The following CAPZB variants were observed in gnomAD, a reference collection of about 807,000 sequenced individuals.
CAPZB encodes the protein F-actin-capping protein subunit beta.
In CAPZB, 2 loss-of-function variants were observed where a neutral mutation model predicts 38.1. The ratio of observed to expected loss-of-function variants is 0.05; its 90% CI spans 0.02 to 0.17. CAPZB has a LOEUF of 0.17. Ranked by LOEUF, CAPZB falls within the 10% of genes least tolerant of loss-of-function variation. The pLI is 1.00. For missense variants in CAPZB, 161 were observed against 334.2 expected (o/e 0.48, Z 4.04); for synonymous variants, 107 against 127.4 (o/e 0.84, Z 1.08).
At chr1:19,417,281 A>G (rs2094384286) in intron 2 of CAPZB, among the ~76,000 whole-genome samples, 1 of 152,194 alleles carries the variant, frequency 6.6e-6, no homozygotes, top group African/African-American at 2.4e-5. Context: ...AATGAGAAAA[A>G]TTTGCTCATC....
At chr1:19,342,025 A>C (rs1021181394) in intron 8 of CAPZB, among the ~76,000 whole-genome samples, 1 of 152,204 alleles carries the variant, frequency 6.6e-6, no homozygotes, top group Non-Finnish European at 1.5e-5. Flanking sequence ...CCTTCCCTAC[A>C]TCTGGATCTG....
chr1:19,339,120 C>T lies in CAPZB; in HGVS notation c.*410G>A, dbSNP rs1257299461. ...ACACGGAATAAGATTTCCAGTTTTT[C>T]TTCTCTCTTTCACACACCACAGTTA... On this transcript the variant is annotated 3_prime_UTR_variant, in exon 9 of 9. Coordinates refer to ENST00000264202, the MANE Select transcript of CAPZB (RefSeq NM_004930.5). The T allele has an allele frequency of 5.9e-5, 9 of 152,298 alleles. No individual in the cohort carries two copies. Among genetic ancestry groups the T allele is most frequent in the Admixed American group, 2.8e-4 (4 of 14,216 alleles). The allele number at this position is 152,298 out of a possible 1,614,324, so 9.4% of individuals were successfully genotyped here.
intron 2 of CAPZB, among the ~76,000 whole-genome samples, chr1:19,405,405 A>C (rs1425102163): frequency 6.6e-6 from 1 of 152,056 alleles, no homozygotes; most frequent in Non-Finnish European, 1.5e-5. Flanking sequence ...CTGCCCCTAC[A>C]GGCAGCGTTT....
intron 1 of CAPZB, chr1:19,484,373 C>A (rs1327406308): frequency 1.3e-6 from 2 of 1,542,200 alleles, no homozygotes; most frequent in East Asian, 2.5e-5. Context: ...GTCCTGTGGG[C>A]CACCCATCCT....
At chr1:19,451,424 A>G (rs1255137702) in intron 1 of CAPZB, among the ~76,000 whole-genome samples, 1 of 152,240 alleles carries the variant, frequency 6.6e-6, no homozygotes, top group Non-Finnish European at 1.5e-5. Context: ...AATTGGCAAC[A>G]TATGATGTGC....
chr1:19,417,928 A>G (rs1234391541), intron 2 of CAPZB, among the ~76,000 whole-genome samples: 1 of 152,026 alleles, frequency 6.6e-6, no homozygotes, highest in African/African-American at 2.4e-5. Flanking sequence ...CTTGAGGTCA[A>G]GAGTTTGAGA....
At chr1:19,375,230 T>G (rs1017151156) in intron 4 of CAPZB, among the ~76,000 whole-genome samples, 7 of 152,192 alleles carry the variant, frequency 4.6e-5, no homozygotes, top group Non-Finnish European at 1.0e-4. Flanking sequence ...TATAAATGGG[T>G]TGGTTCGTCA....
At chr1:19,415,608 T>C (rs71645448) in intron 2 of CAPZB, among the ~76,000 whole-genome samples, 1 of 152,238 alleles carries the variant, frequency 6.6e-6, no homozygotes, top group Non-Finnish European at 1.5e-5. Flanking sequence ...CAGGATCCAG[T>C]ACAAAGCCAG....
chr1:19,404,981 T>C (rs1294738173), intron 2 of CAPZB, among the ~76,000 whole-genome samples: 1 of 152,152 alleles, frequency 6.6e-6, no homozygotes, highest in African/African-American at 2.4e-5. Flanking sequence ...TCAGGATGCA[T>C]GCTCCCAGCC....
intron 1 of CAPZB, among the ~76,000 whole-genome samples, chr1:19,476,220 ATAGATAG>A (rs879644600): frequency 0.38 from 36,358 of 96,274 alleles, 4,905 homozygotes; most frequent in Middle Eastern, 0.48. Context: ...AGATAGATAG[ATAGATAG>A]GCAGGCAGGC....
intron 3 of CAPZB, among the ~76,000 whole-genome samples, chr1:19,380,503 C>A (rs11586038): frequency 6.6e-6 from 1 of 152,246 alleles, no homozygotes; most frequent in Non-Finnish European, 1.5e-5. Context: ...CGCCCACAAT[C>A]GATGCCTCAG....
intron 2 of CAPZB, among the ~76,000 whole-genome samples, chr1:19,393,148 G>C (rs1380601818): frequency 6.6e-6 from 1 of 152,258 alleles, no homozygotes; most frequent in Non-Finnish European, 1.5e-5. Flanking sequence ...ACAGCTTCAT[G>C]TAGCCGAGGC....
chr1:19,385,313 A>C (rs1259296560), intron 3 of CAPZB, among the ~76,000 whole-genome samples, 192 bp downstream of exon 3: 1 of 152,176 alleles, frequency 6.6e-6, no homozygotes, highest in African/African-American at 2.4e-5. Context: ...GCATGATTGG[A>C]ATAACAGATG....
At chr1:19,359,078 A>G (rs973225297) in intron 4 of CAPZB, among the ~76,000 whole-genome samples, 5 of 152,224 alleles carry the variant, frequency 3.3e-5, no homozygotes, top group African/African-American at 1.2e-4. Flanking sequence ...GACACCTGCC[A>G]AACGGTTAAT....
At chr1:19,471,661 A>G (rs4912101) in intron 1 of CAPZB, among the ~76,000 whole-genome samples, 37,991 of 151,876 alleles carry the variant, frequency 0.25, 5,152 homozygotes, top group Non-Finnish European at 0.31. Flanking sequence ...TCAGGAGATC[A>G]AGACCATCCT....
chr1:19,455,470 C>G (rs1387360251), intron 1 of CAPZB, among the ~76,000 whole-genome samples: 1 of 152,224 alleles, frequency 6.6e-6, no homozygotes. Flanking sequence ...CCCCACTGGC[C>G]TCATTAAGGC....
chr1:19,365,177 C>T (rs1217880904), intron 4 of CAPZB, among the ~76,000 whole-genome samples: 1 of 152,146 alleles, frequency 6.6e-6, no homozygotes, highest in Non-Finnish European at 1.5e-5. Flanking sequence ...CATGAAAATA[C>T]CTCTCACATC....
chr1:19,361,286 G>C (rs992638376), intron 4 of CAPZB, among the ~76,000 whole-genome samples: 9 of 152,186 alleles, frequency 5.9e-5, no homozygotes, highest in African/African-American at 2.2e-4. Context: ...ACTGAGGTGA[G>C]TCAGACGTGC....
chr1:19,430,378 C>T (rs1196351863), intron 1 of CAPZB, among the ~76,000 whole-genome samples: 6 of 152,216 alleles, frequency 3.9e-5, no homozygotes, highest in Admixed American at 6.5e-5. Context: ...CGGAGCTATA[C>T]TTCCACTGTA....
Sources: allele counts gnomAD v4.1 joint callset (sites outside exome capture counted in the v4.1 genomes callset), GRCh38; gene constraint gnomAD v4.1.1; transcripts MANE v1.5; gene names NCBI Gene and HGNC (gene_info 2026-07-23, HGNC 2026-07-21).